Variants in MND1 observed in about 807,000 individuals in gnomAD.
MND1 encodes the protein meiotic nuclear division protein 1 homolog.
A neutral mutation model predicts 35.1 loss-of-function variants in MND1; 28 were observed. That is an observed-to-expected ratio of 0.80 (90% CI 0.59 to 1.09). The LOEUF is 1.09. Among genes scored for constraint, MND1 ranks in the 50% least tolerant of loss-of-function variants. MND1 has a pLI of 0.00. For missense variants in MND1, 213 were observed against 239.6 expected (o/e 0.89, Z 0.73); for synonymous variants, 69 against 70.5 (o/e 0.98, Z 0.11).
intron 4 of MND1, among the ~76,000 whole-genome samples, chr4:153,365,766 C>T (rs1017425017): frequency 4.6e-5 from 7 of 151,930 alleles, no homozygotes; most frequent in Middle Eastern, 3.4e-3. Context: ...TGCCTGGCCA[C>T]GGTAATGATG....
At chr4:153,364,966 T>G (rs905172608) in intron 4 of MND1, among the ~76,000 whole-genome samples, 6 of 152,162 alleles carry the variant, frequency 3.9e-5, no homozygotes, top group Non-Finnish European at 7.4e-5. Context: ...ACTCTATGAT[T>G]CCACATATAT....
chr4:153,377,675 G>C (rs151029035), intron 4 of MND1, among the ~76,000 whole-genome samples: 2 of 152,202 alleles, frequency 1.3e-5, no homozygotes, highest in Admixed American at 6.5e-5. Context: ...TTAAGGAGAC[G>C]TGTAAGTTGG....
chr4:153,361,467 A>G (rs1384682630), intron 4 of MND1: 1 of 456,222 alleles, frequency 2.2e-6, no homozygotes, highest in Admixed American at 2.3e-5. Context: ...TTTATCATGA[A>G]TCCGAGTTTG....
chr4:153,394,859 T>C (rs1296926924), intron 5 of MND1, among the ~76,000 whole-genome samples: 1 of 152,204 alleles, frequency 6.6e-6, no homozygotes, highest in Non-Finnish European at 1.5e-5. Flanking sequence ...TTTTATTTTT[T>C]AAAGTACAAT....
intron 4 of MND1, among the ~76,000 whole-genome samples, chr4:153,393,798 G>T (rs1729115102): frequency 6.6e-6 from 1 of 150,524 alleles, no homozygotes; most frequent in African/African-American, 2.4e-5. Flanking sequence ...TTATCTATCT[G>T]CATGGAATAA....
intron 4 of MND1, among the ~76,000 whole-genome samples, chr4:153,392,039 C>A (rs554749736): frequency 6.6e-6 from 1 of 152,106 alleles, no homozygotes; most frequent in South Asian, 2.1e-4. Context: ...CTATTATCTA[C>A]TCTTTACATA....
At chr4:153,391,472 T>C (rs1302002539) in intron 4 of MND1, among the ~76,000 whole-genome samples, 1 of 152,134 alleles carries the variant, frequency 6.6e-6, no homozygotes, top group Non-Finnish European at 1.5e-5. Context: ...ACGCCTGTGA[T>C]CCCAGCACTT....
At chr4:153,408,870 GA>G (rs1285030047) in intron 6 of MND1, 100 bp from the exon 7 acceptor site, 3 of 275,034 alleles carry the variant, frequency 1.1e-5, no homozygotes, top group Non-Finnish European at 1.7e-5. Flanking sequence ...TTGTTCATAT[GA>G]AAAAATACAA....
At chr4:153,390,943 A>G (rs71620254) in intron 4 of MND1, among the ~76,000 whole-genome samples, 5,239 of 101,122 alleles carry the variant, frequency 0.052, 153 homozygotes, top group East Asian at 0.16. Context: ...GTGTGTGTGT[A>G]TATAAAATGT....
chr4:153,354,354 A>G (rs1166398309), intron 2 of MND1, among the ~76,000 whole-genome samples: 1 of 152,236 alleles, frequency 6.6e-6, no homozygotes, highest in Non-Finnish European at 1.5e-5. Flanking sequence ...GCTTTTAGTT[A>G]GAACTGCTAA....
chr4:153,370,711 G>A (rs1773769446), intron 4 of MND1, among the ~76,000 whole-genome samples: 1 of 151,942 alleles, frequency 6.6e-6, no homozygotes, highest in Admixed American at 6.6e-5. Context: ...GTAGAGACAG[G>A]GTTTCACGAT....
chr4:153,398,547 A>ACATATATGG (rs1729262312), intron 6 of MND1, among the ~76,000 whole-genome samples: 1 of 152,178 alleles, frequency 6.6e-6, no homozygotes, highest in African/African-American at 2.4e-5. Context: ...GGCACCATTC[A>ACATATATGG]CATATATGGA....
chr4:153,386,679 G>A (rs1228079515), intron 4 of MND1, among the ~76,000 whole-genome samples: 1 of 152,126 alleles, frequency 6.6e-6, no homozygotes, highest in Non-Finnish European at 1.5e-5. Flanking sequence ...TCACACCACT[G>A]CACTCCAGCT....
At chr4:153,408,923 T>C in intron 6 of MND1, 48 bp from the exon 7 acceptor site, 2 of 568,804 alleles carry the variant, frequency 3.5e-6, no homozygotes, top group East Asian at 1.1e-4. Flanking sequence ...TATATATATA[T>C]ATATATATAT....
At chr4:153,413,634 T>C (rs12510542) in intron 7 of MND1, among the ~76,000 whole-genome samples, 41,330 of 150,352 alleles carry the variant, frequency 0.27, 6,399 homozygotes, top group African/African-American at 0.42. Flanking sequence ...GCTGAGATTA[T>C]ACCACTCACT....
intron 5 of MND1, among the ~76,000 whole-genome samples, chr4:153,395,054 T>C (rs960897319): frequency 4.6e-5 from 7 of 152,212 alleles, no homozygotes; most frequent in African/African-American, 1.7e-4. Flanking sequence ...ACTTGTCACA[T>C]AGTAGAAAGG....
intron 2 of MND1, among the ~76,000 whole-genome samples, chr4:153,353,375 A>G (rs1773260130): frequency 7.0e-6 from 1 of 141,920 alleles, no homozygotes; most frequent in Non-Finnish European, 1.5e-5. Context: ...AGATTCTACC[A>G]TTCACATTTT....
intron 3 of MND1, among the ~76,000 whole-genome samples, chr4:153,358,207 GAACTCAGGTCCTGTTCTTA>G (rs1204460743): frequency 2.0e-5 from 3 of 152,162 alleles, no homozygotes; most frequent in Non-Finnish European, 4.4e-5. Context: ...GTTAGGATTA[GAACTCAGGTCCTGTTCTTA>G]ATCCTGTATA....
At chr4:153,384,305 CTG>C (rs1728789821) in intron 4 of MND1, among the ~76,000 whole-genome samples, 1 of 116,086 alleles carries the variant, frequency 8.6e-6, no homozygotes, top group East Asian at 2.8e-4. Flanking sequence ...GGGCCTCACT[CTG>C]TTGCACAGGC....
Sources: gnomAD v4.1 joint callset for allele counts (sites outside exome capture counted in the v4.1 genomes callset) on GRCh38, gnomAD v4.1.1 for gene constraint, MANE v1.5 for transcripts, NCBI Gene and HGNC (gene_info 2026-07-23, HGNC 2026-07-21) for gene names.